The following ZFPM2 variants were observed in gnomAD, a reference collection of about 807,000 sequenced individuals.
ZFPM2 encodes zinc finger protein ZFPM2.
In ZFPM2, 20 loss-of-function variants were observed where a neutral mutation model predicts 98.6. The ratio of observed to expected loss-of-function variants is 0.20; its 90% CI spans 0.14 to 0.29. The LOEUF (loss-of-function observed/expected upper bound fraction) is 0.29. Among genes scored for constraint, ZFPM2 ranks in the 10% least tolerant of loss-of-function variants. ZFPM2 has a pLI of 1.00. For missense variants in ZFPM2, 1,310 were observed against 1,388.6 expected (o/e 0.94, Z 0.90); for synonymous variants, 518 against 502.7 (o/e 1.03, Z -0.41).
rs1324201863 is a variant in ZFPM2 at position 105,702,121 on chromosome 8, G to C, written c.532+67764G>C. On this transcript the variant is annotated intron_variant, in intron 5 of 7. Coordinates refer to ENST00000407775, the MANE Select transcript of ZFPM2 (RefSeq NM_012082.4). ...GTTCATTATTTGACAGGAAGTGTCT[G>C]CTCAGCTTCTTAAAGGGCTGCTTCT... 4.6e-5 allele frequency among the ~76,000 whole-genome samples: 7 copies of C among 152,324 alleles called. No homozygotes were observed. In the East Asian group the frequency reaches 1.4e-3, roughly 29 times the overall value.
At chr8:105,671,135 G>T (rs1413392200) in intron 5 of ZFPM2, among the ~76,000 whole-genome samples, 2 of 151,874 alleles carry the variant, frequency 1.3e-5, no homozygotes, top group Non-Finnish European at 2.9e-5. Context: ...GTGGCTTAAA[G>T]ATAAATATTT....
intron 5 of ZFPM2, among the ~76,000 whole-genome samples, chr8:105,670,819 A>G (rs765351448): frequency 1.1e-4 from 17 of 152,242 alleles, no homozygotes; most frequent in Non-Finnish European, 1.8e-4. Context: ...CCTTTGTATT[A>G]TAGCATTTTC....
intron 5 of ZFPM2, among the ~76,000 whole-genome samples, chr8:105,752,390 G>A (rs1812500504): frequency 6.6e-6 from 1 of 152,058 alleles, no homozygotes; most frequent in African/African-American, 2.4e-5. Context: ...TTTAATTGAG[G>A]AAAAATAATG....
chr8:105,778,214 A>G (rs755579119), intron 5 of ZFPM2, among the ~76,000 whole-genome samples: 75 of 152,190 alleles, frequency 4.9e-4, no homozygotes, highest in Non-Finnish European at 1.0e-3. Context: ...GTATAGATAT[A>G]TGTCCTGTGT....
intron 5 of ZFPM2, among the ~76,000 whole-genome samples, chr8:105,683,214 A>G (rs1810650075): frequency 6.6e-6 from 1 of 152,074 alleles, no homozygotes; most frequent in African/African-American, 2.4e-5. Context: ...TTTAGCATTC[A>G]GGTCATAGCA....
At chr8:105,698,501 C>T (rs552823045) in intron 5 of ZFPM2, among the ~76,000 whole-genome samples, 10 of 152,254 alleles carry the variant, frequency 6.6e-5, no homozygotes, top group South Asian at 6.2e-4. Flanking sequence ...TTAGCAAAGT[C>T]AGTGCTTTAA....
intron 1 of ZFPM2, among the ~76,000 whole-genome samples, chr8:105,323,369 A>T (rs1812062757): frequency 6.6e-6 from 1 of 151,904 alleles, no homozygotes; most frequent in African/African-American, 2.4e-5. Flanking sequence ...GGATAATTGA[A>T]TATAATGCAA....
At chr8:105,533,666 CTTCG>C (rs1296781328) in intron 3 of ZFPM2, among the ~76,000 whole-genome samples, 3 of 135,438 alleles carry the variant, frequency 2.2e-5, no homozygotes, top group Non-Finnish European at 4.8e-5. Flanking sequence ...CTCTCCTTTC[CTTCG>C]TTCGTTCCTT....
At chr8:105,453,609 T>TA (rs1480629360) in intron 3 of ZFPM2, among the ~76,000 whole-genome samples, 1 of 150,844 alleles carries the variant, frequency 6.6e-6, no homozygotes, top group East Asian at 1.9e-4. Context: ...CCTTCTAAAT[T>TA]TTTTTTTCTG....
intron 4 of ZFPM2, among the ~76,000 whole-genome samples, chr8:105,602,508 A>T (rs2130785563): frequency 6.6e-6 from 1 of 152,238 alleles, no homozygotes; most frequent in South Asian, 2.1e-4. Context: ...CATTATCTTC[A>T]ACCTGGCCTA....
At chr8:105,542,799 G>A (rs1814607956) in intron 3 of ZFPM2, among the ~76,000 whole-genome samples, 1 of 152,104 alleles carries the variant, frequency 6.6e-6, no homozygotes, top group Non-Finnish European at 1.5e-5. Context: ...TCCCCACAAT[G>A]GTTACCAATT....
chr8:105,714,021 G>A (rs1811461983), intron 5 of ZFPM2, among the ~76,000 whole-genome samples: 1 of 151,940 alleles, frequency 6.6e-6, no homozygotes, highest in Admixed American at 6.6e-5. Context: ...TTATAGCAAT[G>A]GTGTTGAATC....
intron 2 of ZFPM2, among the ~76,000 whole-genome samples, chr8:105,443,258 G>T (rs575610512): frequency 6.9e-6 from 1 of 144,526 alleles, no homozygotes; most frequent in South Asian, 2.2e-4. Context: ...GCAGTGAGCT[G>T]AAATTGCACC....
intron 3 of ZFPM2, among the ~76,000 whole-genome samples, chr8:105,449,593 A>G (rs115466921): frequency 0.016 from 2,451 of 152,120 alleles, 60 homozygotes; most frequent in African/African-American, 0.056. Context: ...AAGTCAGAGT[A>G]TCCATCAAAG....
intron 5 of ZFPM2, among the ~76,000 whole-genome samples, chr8:105,650,483 A>C (rs1487790779): frequency 2.0e-5 from 3 of 152,126 alleles, no homozygotes; most frequent in Non-Finnish European, 4.4e-5. Flanking sequence ...TGTCAATTTT[A>C]GTTCTTTCCT....
At chr8:105,642,857 A>G (rs1816973534) in intron 5 of ZFPM2, among the ~76,000 whole-genome samples, 1 of 152,222 alleles carries the variant, frequency 6.6e-6, no homozygotes, top group Non-Finnish European at 1.5e-5. Flanking sequence ...CAGTTTGAGT[A>G]ATGGGGTGAA....
At chr8:105,456,582 A>T (rs914033728) in intron 3 of ZFPM2, among the ~76,000 whole-genome samples, 10 of 152,176 alleles carry the variant, frequency 6.6e-5, no homozygotes, top group African/African-American at 2.4e-4. Flanking sequence ...AGAAATTTGT[A>T]TTCCTGTATT....
chr8:105,591,406 T>C (rs759489940), intron 4 of ZFPM2, among the ~76,000 whole-genome samples: 10 of 152,166 alleles, frequency 6.6e-5, no homozygotes, highest in Non-Finnish European at 1.0e-4. Context: ...TTCATAAATA[T>C]AAAACACTTC....
chr8:105,619,419 T>C (rs552169381), intron 4 of ZFPM2, among the ~76,000 whole-genome samples: 2 of 152,232 alleles, frequency 1.3e-5, no homozygotes, highest in Non-Finnish European at 2.9e-5. Context: ...GTAACTCATA[T>C]TTCATCTCTC....
Sources: gnomAD v4.1 joint callset for allele counts (sites outside exome capture counted in the v4.1 genomes callset) on GRCh38, gnomAD v4.1.1 for gene constraint, MANE v1.5 for transcripts, NCBI Gene and HGNC (gene_info 2026-07-23, HGNC 2026-07-21) for gene names.